Variants in HS6ST3 observed in about 807,000 individuals in gnomAD.
HS6ST3 encodes heparan sulfate 6-O-sulfotransferase 3, also known as heparan-sulfate 6-O-sulfotransferase 3.
In HS6ST3, 12 loss-of-function variants were observed where a neutral mutation model predicts 36.7. The observed-to-expected ratio is 0.33, with a 90% CI of 0.21 to 0.53. The LOEUF is 0.53. Ranked by LOEUF, HS6ST3 falls within the 20% of genes least tolerant of loss-of-function variation. The pLI, the probability that HS6ST3 is intolerant of heterozygous loss-of-function variation, is 0.95. For missense variants in HS6ST3, 584 were observed against 640.9 expected (o/e 0.91, Z 0.96); for synonymous variants, 240 against 257.5 (o/e 0.93, Z 0.65).
intron 1 of HS6ST3, among the ~76,000 whole-genome samples, chr13:96,481,667 C>T (rs540891029): frequency 2.0e-5 from 3 of 152,272 alleles, no homozygotes; most frequent in South Asian, 2.1e-4. Flanking sequence ...CCTGCCCCTC[C>T]GCTCTCCAGC....
chr13:96,251,240 A>T (rs1024716355), intron 1 of HS6ST3, among the ~76,000 whole-genome samples: 4 of 152,126 alleles, frequency 2.6e-5, no homozygotes, highest in Admixed American at 2.0e-4. Context: ...GAGAGTCTTT[A>T]AAAAATTACT....
chr13:96,289,498 A>G (rs917866909), intron 1 of HS6ST3, among the ~76,000 whole-genome samples: 1 of 152,204 alleles, frequency 6.6e-6, no homozygotes, highest in Non-Finnish European at 1.5e-5. Context: ...GATTTAGTTA[A>G]TAAAGAATTG....
At position 96,554,261 on chromosome 13, in the gene HS6ST3, T is replaced by C. The variant is rs571476545; in HGVS notation, c.708-278229T>C. 1.7e-4 allele frequency among the ~76,000 whole-genome samples: 26 copies of C among 152,274 alleles called. 1 individual carries two copies. The East Asian group carries it at 4.8e-3, about 28-fold the overall frequency. ...AAAATAGATAACAGCCAGGAAAGTGTGTTACCAAACCAAGAGGTGAGAATT... is the reference window on the plus strand; with the variant it reads ...AAAATAGATAACAGCCAGGAAAGTGCGTTACCAAACCAAGAGGTGAGAATT... On this transcript the variant is annotated intron_variant, in intron 1 of 1. Coordinates refer to ENST00000376705, the MANE Select transcript of HS6ST3 (RefSeq NM_153456.4).
chr13:96,377,353 AAACAACAAC>A (rs955117924), intron 1 of HS6ST3, among the ~76,000 whole-genome samples: 1 of 151,768 alleles, frequency 6.6e-6, no homozygotes, highest in Non-Finnish European at 1.5e-5. Flanking sequence ...ACCCTGTCTC[AAACAACAAC>A]AACAACAACA....
At chr13:96,538,860 C>T (rs756638166) in intron 1 of HS6ST3, among the ~76,000 whole-genome samples, 1 of 152,138 alleles carries the variant, frequency 6.6e-6, no homozygotes, top group Non-Finnish European at 1.5e-5. Flanking sequence ...GAATTTATAC[C>T]ATTTCCACTC....
chr13:96,190,857 G>A (rs1181003577), intron 1 of HS6ST3, among the ~76,000 whole-genome samples: 3 of 152,196 alleles, frequency 2.0e-5, no homozygotes, highest in African/African-American at 7.2e-5. Flanking sequence ...GGTACAGGGA[G>A]CATCTGGTGA....
chr13:96,802,141 T>C (rs1297352720), intron 1 of HS6ST3, among the ~76,000 whole-genome samples: 1 of 152,086 alleles, frequency 6.6e-6, no homozygotes, highest in East Asian at 1.9e-4. Context: ...TTCTCTGACA[T>C]CTCATTGACA....
At chr13:96,645,445 C>G (rs1391124600) in intron 1 of HS6ST3, among the ~76,000 whole-genome samples, 1 of 150,778 alleles carries the variant, frequency 6.6e-6, no homozygotes, top group Non-Finnish European at 1.5e-5. Context: ...ACTTTAAATA[C>G]CTATGATTCC....
intron 1 of HS6ST3, among the ~76,000 whole-genome samples, chr13:96,742,212 A>C (rs1284606246): frequency 6.6e-6 from 1 of 152,146 alleles, no homozygotes; most frequent in Non-Finnish European, 1.5e-5. Flanking sequence ...GAGGCAGGGG[A>C]GTACAATTTT....
intron 1 of HS6ST3, among the ~76,000 whole-genome samples, chr13:96,421,741 G>A (rs1057294012): frequency 6.8e-6 from 1 of 148,054 alleles, no homozygotes; most frequent in Non-Finnish European, 1.5e-5. Flanking sequence ...TGTTTCCATA[G>A]TATTTTGAAA....
chr13:96,519,294 G>A (rs909793785), intron 1 of HS6ST3, among the ~76,000 whole-genome samples: 2 of 152,194 alleles, frequency 1.3e-5, no homozygotes, highest in African/African-American at 4.8e-5. Flanking sequence ...TTGGTATCGT[G>A]TTTCATAGTC....
intron 1 of HS6ST3, among the ~76,000 whole-genome samples, chr13:96,294,587 C>G (rs1162714445): frequency 1.3e-5 from 2 of 151,912 alleles, no homozygotes; most frequent in Non-Finnish European, 2.9e-5. Flanking sequence ...TTTTCTCATT[C>G]CAGAGGAGGA....
Position 96,151,920 on chromosome 13 carries a change from C to T in HS6ST3, c.707+60351C>T, listed in dbSNP as rs1017697497. 5.9e-5 allele frequency among the ~76,000 whole-genome samples: 9 copies of T among 152,282 alleles called. No homozygotes were observed. In the East Asian group the frequency reaches 1.2e-3, roughly 20 times the overall value. On this transcript the variant is annotated intron_variant, in intron 1 of 1. Coordinates refer to ENST00000376705, the MANE Select transcript of HS6ST3 (RefSeq NM_153456.4). ...GATACTTCTCGTAGTGGATTAAGGGCCTGCCCTAATTCAGTATAACCTTGC... is the reference window on the plus strand; with the variant it reads ...GATACTTCTCGTAGTGGATTAAGGGTCTGCCCTAATTCAGTATAACCTTGC...
chr13:96,430,008 A>C (rs2055607034), intron 1 of HS6ST3, among the ~76,000 whole-genome samples: 1 of 152,234 alleles, frequency 6.6e-6, no homozygotes, highest in Non-Finnish European at 1.5e-5. Context: ...CATTCATAGA[A>C]TCTAAATTGA....
chr13:96,249,055 C>T (rs969563893), intron 1 of HS6ST3, among the ~76,000 whole-genome samples: 2 of 152,134 alleles, frequency 1.3e-5, no homozygotes, highest in African/African-American at 2.4e-5. Flanking sequence ...GTCCTCTGGT[C>T]TTCTCTTTCC....
chr13:96,245,038 C>T (rs1305291837), intron 1 of HS6ST3, among the ~76,000 whole-genome samples: 1 of 152,174 alleles, frequency 6.6e-6, no homozygotes, highest in Non-Finnish European at 1.5e-5. Flanking sequence ...AATTTTACTT[C>T]GTAGCCTACT....
intron 1 of HS6ST3, among the ~76,000 whole-genome samples, chr13:96,242,099 C>G (rs1012003579): frequency 6.6e-6 from 1 of 151,842 alleles, no homozygotes; most frequent in Admixed American, 6.6e-5. Flanking sequence ...GTAACATTTT[C>G]TAATGTTAAA....
intron 1 of HS6ST3, among the ~76,000 whole-genome samples, chr13:96,185,666 T>C (rs2139342632): frequency 6.6e-6 from 1 of 152,380 alleles, no homozygotes; most frequent in East Asian, 1.9e-4. Context: ...AATGCTTGGC[T>C]GATATACCAA....
At chr13:96,308,180 G>A (rs774216734) in intron 1 of HS6ST3, among the ~76,000 whole-genome samples, 6 of 152,026 alleles carry the variant, frequency 3.9e-5, no homozygotes, top group Admixed American at 6.5e-5. Flanking sequence ...GATGATTTTC[G>A]TTTTACTTAA....
Sources: allele counts gnomAD v4.1 joint callset (sites outside exome capture counted in the v4.1 genomes callset), GRCh38; gene constraint gnomAD v4.1.1; transcripts MANE v1.5; gene names NCBI Gene and HGNC (gene_info 2026-07-23, HGNC 2026-07-21).